ATRNL1: variants seen among roughly 807,000 people sequenced by gnomAD.
The protein encoded by ATRNL1 is attractin-like protein 1.
Under a neutral mutation model 182.7 loss-of-function variants are expected in ATRNL1, and 95 were observed. That is an observed-to-expected ratio of 0.52 (90% CI 0.44 to 0.62). ATRNL1 has a LOEUF of 0.62. Among genes scored for constraint, ATRNL1 ranks in the 20% least tolerant of loss-of-function variants. The probability of loss-of-function intolerance (pLI) is 0.00; values close to 1 mark genes in which losing one functional copy is unlikely to be tolerated. For missense variants in ATRNL1, 1,471 were observed against 1,679.5 expected (o/e 0.88, Z 2.17); for synonymous variants, 576 against 568.3 (o/e 1.01, Z -0.19).
At chr10:115,203,803 G>A (rs1228171760) in intron 8 of ATRNL1, among the ~76,000 whole-genome samples, 4 of 140,646 alleles carry the variant, frequency 2.8e-5, no homozygotes, top group Admixed American at 1.5e-4. Flanking sequence ...CACTATGTTG[G>A]CTAGGCTGCT....
chr10:115,375,724 C>T (rs919230196), intron 19 of ATRNL1, among the ~76,000 whole-genome samples: 4 of 152,004 alleles, frequency 2.6e-5, no homozygotes, highest in Non-Finnish European at 5.9e-5. Context: ...CCTACAAAAA[C>T]TATGCTTTTT....
chr10:115,285,258 G>C (rs1029640498), intron 14 of ATRNL1, among the ~76,000 whole-genome samples: 2 of 151,934 alleles, frequency 1.3e-5, no homozygotes, highest in Middle Eastern at 3.4e-3. Flanking sequence ...ATTTTAAAAC[G>C]CTCCAAATCA....
intron 26 of ATRNL1, among the ~76,000 whole-genome samples, chr10:115,666,526 G>A (rs1255955860): frequency 5.3e-5 from 8 of 151,994 alleles, no homozygotes; most frequent in African/African-American, 1.7e-4. Context: ...TACCTTTAGG[G>A]GTAACTGGCA....
Position 115,549,469 on chromosome 10 carries a change from C to G in ATRNL1, c.3728C>G (p.Ser1243Cys). 6.3e-7 allele frequency: 1 copy of G among 1,599,682 alleles called. No individual in the cohort carries two copies. The highest frequency in any genetic ancestry group is 8.5e-7 in the Non-Finnish European group (1 of 1,172,522). ...FFVTFFSCFLSLLLVAAVVWK... is the reference protein window; with the variant it reads ...FFVTFFSCFLCLLLVAAVVWK... ...GTTTTATTTTCCAGTTGTTTCCTATCCTTATTGCTGGTGGCTGCTGTGGTA... is the reference window on the plus strand; with the variant it reads ...GTTTTATTTTCCAGTTGTTTCCTATGCTTATTGCTGGTGGCTGCTGTGGTA... Residue 1243 changes from serine (S) to cysteine (C), a missense_variant, in exon 26 of 29, where the codon TCC (serine) becomes TGC (cysteine). Transcript: ENST00000355044.
intron 27 of ATRNL1, among the ~76,000 whole-genome samples, chr10:115,757,428 C>G (rs2960730): frequency 0.95 from 144,666 of 152,226 alleles, 69,154 homozygotes; most frequent in East Asian, 1. Flanking sequence ...AGCTTAGTTT[C>G]GCTGGATATG....
intron 21 of ATRNL1, among the ~76,000 whole-genome samples, chr10:115,432,833 T>G (rs782795015): frequency 5.8e-4 from 89 of 152,158 alleles, no homozygotes; most frequent in Middle Eastern, 3.4e-3. Context: ...TTTTCTTAAA[T>G]GCTTTCTTTT....
At chr10:115,301,775 C>T (rs1853480700) in intron 16 of ATRNL1, 80 bp from the exon 17 acceptor site, 1 of 1,262,902 alleles carries the variant, frequency 7.9e-7, no homozygotes, top group African/African-American at 1.5e-5. Flanking sequence ...ATGCCCTGAA[C>T]AGCAAAGCAA....
rs1554862111 is a variant in ATRNL1, at chr10:115,093,587, G to C, written c.-164G>C. On this transcript the variant is annotated 5_prime_UTR_variant, in exon 1 of 29. Transcript: ENST00000355044. This position sits in a 1 kb window ranked among gnomAD's most constrained non-coding sequence, Gnocchi z 6.1. ...GAGGCAGCCGAGCGGAGGCGACGGC[G>C]GTTGGGATCTGTCCCTCCTGACCGG... 1.3e-6 allele frequency: 1 copy of C among 797,150 alleles called. No individual in the cohort carries two copies. The highest frequency in any genetic ancestry group is 2.1e-6 in the Non-Finnish European group (1 of 483,232). 49.4% of individuals were successfully genotyped at this position (797,150 alleles called of 1,614,324 possible). A position where few individuals can be genotyped will look rare whatever the true frequency, so the allele number is the denominator to read the frequency against.
chr10:115,535,169 G>T (rs2133763208), intron 25 of ATRNL1, among the ~76,000 whole-genome samples: 1 of 151,978 alleles, frequency 6.6e-6, no homozygotes, highest in Admixed American at 6.6e-5. Flanking sequence ...TGCTAGATTG[G>T]GGAAGTTCTC....
At position 115,171,289 on chromosome 10, in the gene ATRNL1, A is replaced by G; in HGVS notation, c.1345A>G (p.Ile449Val). 6.4e-7 allele frequency: 1 copy of G among 1,553,964 alleles called. No homozygotes were observed. ...GYTSSIQEYH[I>V]SSNTWLVPET... ...TACAAGCAGCATACAGGAATACCAT[A>G]TCTGTGAGTTACTTAAAAATTGTAA... The change falls in exon 8 of 29, where the codon ATC becomes GTC. Residue 449 changes from isoleucine (I) to valine (V), a missense_variant. By Grantham distance (29) the Ile-to-Val change is conservative (BLOSUM62 3). Coordinates refer to ENST00000355044, the MANE Select transcript of ATRNL1 (RefSeq NM_207303.4).
chr10:115,880,627 G>C (rs1283350819), intron 28 of ATRNL1, among the ~76,000 whole-genome samples: 1 of 151,806 alleles, frequency 6.6e-6, no homozygotes, highest in Non-Finnish European at 1.5e-5. Context: ...CCATCTCAAA[G>C]ACAAAAACAA....
chr10:115,502,478 T>G (rs1242378634), intron 24 of ATRNL1, among the ~76,000 whole-genome samples: 2 of 152,044 alleles, frequency 1.3e-5, no homozygotes, highest in Non-Finnish European at 2.9e-5. Context: ...CCCTTATTTT[T>G]TGAGAGAGGA....
At chr10:115,584,085 A>T (rs1855321949) in intron 26 of ATRNL1, among the ~76,000 whole-genome samples, 1 of 151,878 alleles carries the variant, frequency 6.6e-6, no homozygotes, top group Non-Finnish European at 1.5e-5. Context: ...CCAGCCTTGC[A>T]TCCCAGGTAT....
chr10:115,768,520 G>T (rs758752010), intron 27 of ATRNL1, among the ~76,000 whole-genome samples: 1 of 152,070 alleles, frequency 6.6e-6, no homozygotes, highest in Admixed American at 6.6e-5. Context: ...AGGAGCAAAT[G>T]AGTATTCTAT....
chr10:115,827,128 G>A (rs1950452882), intron 27 of ATRNL1, among the ~76,000 whole-genome samples: 1 of 152,214 alleles, frequency 6.6e-6, no homozygotes, highest in South Asian at 2.1e-4. Flanking sequence ...CTGTGTGACA[G>A]AACATTAACA....
intron 26 of ATRNL1, among the ~76,000 whole-genome samples, chr10:115,618,880 C>T (rs923475020): frequency 2.6e-5 from 4 of 152,250 alleles, no homozygotes; most frequent in African/African-American, 9.6e-5. Flanking sequence ...TGCAATGTTT[C>T]TTTGCTCTTT....
At chr10:115,201,058 CA>C (rs1848555740) in intron 8 of ATRNL1, among the ~76,000 whole-genome samples, 1 of 149,522 alleles carries the variant, frequency 6.7e-6, no homozygotes, top group Admixed American at 6.7e-5. Context: ...ACCCTTTGGC[CA>C]CTTTTTGGTG....
At chr10:115,392,316 T>G (rs1433985643) in intron 19 of ATRNL1, among the ~76,000 whole-genome samples, 4 of 152,298 alleles carry the variant, frequency 2.6e-5, no homozygotes, top group Admixed American at 6.5e-5. Context: ...TCTCTGTCAC[T>G]GACCCTTTAA....
At chr10:115,191,742 T>TCCTTCC (rs1222736964) in intron 8 of ATRNL1, among the ~76,000 whole-genome samples, 8 of 152,006 alleles carry the variant, frequency 5.3e-5, no homozygotes, top group Non-Finnish European at 8.8e-5. Flanking sequence ...GAAGGTGCCT[T>TCCTTCC]CCTTCCCCTT....
Sources: allele counts gnomAD v4.1 joint callset (sites outside exome capture counted in the v4.1 genomes callset), GRCh38; gene constraint gnomAD v4.1.1; non-coding constraint Gnocchi (gnomAD v3.1); transcripts MANE v1.5; gene names NCBI Gene and HGNC (gene_info 2026-07-23, HGNC 2026-07-21).